Variants in LMO7 observed in about 807,000 individuals in gnomAD.
The protein encoded by LMO7 is LIM domain only protein 7.
In LMO7, 120 loss-of-function variants were observed where a neutral mutation model predicts 206.5. The ratio of observed to expected loss-of-function variants is 0.58; its 90% confidence interval spans 0.50 to 0.68. The LOEUF (loss-of-function observed/expected upper bound fraction) is 0.68. Among genes scored for constraint, LMO7 ranks in the 30% least tolerant of loss-of-function variants. The pLI is 0.00. For synonymous variants in LMO7, 706 were observed against 681.5 expected (o/e 1.04, Z -0.56); for missense variants, 1,959 against 1,957.9 (o/e 1.00, Z -0.01).
At chr13:75,835,163 G>T (rs2059019653) in intron 17 of LMO7, 70 bp from the exon 18 acceptor site, 2 of 1,593,098 alleles carry the variant, frequency 1.3e-6, no homozygotes, top group East Asian at 4.6e-5. Context: ...CTGGGGCAAA[G>T]ACCAACCTTC....
At chr13:75,733,070 A>G (rs2045423724) in intron 3 of LMO7, among the ~76,000 whole-genome samples, 1 of 152,186 alleles carries the variant, frequency 6.6e-6, no homozygotes, top group African/African-American at 2.4e-5. Flanking sequence ...CTCGGGGGTC[A>G]GGGGTCAGGG....
intron 1 of LMO7, among the ~76,000 whole-genome samples, chr13:75,666,912 G>T (rs2039122784): frequency 6.6e-6 from 1 of 152,180 alleles, no homozygotes; most frequent in Admixed American, 6.5e-5. Flanking sequence ...GTTGCTACTT[G>T]TTGGGAGAGA....
intron 6 of LMO7, among the ~76,000 whole-genome samples, chr13:75,799,676 A>C (rs2054486713): frequency 6.6e-6 from 1 of 152,188 alleles, no homozygotes; most frequent in African/African-American, 2.4e-5. Flanking sequence ...AGGTTCTTTA[A>C]ATTGTCTCTG....
intron 27 of LMO7, among the ~76,000 whole-genome samples, chr13:75,852,568 A>C (rs1250388362): frequency 6.6e-6 from 1 of 152,238 alleles, no homozygotes; most frequent in South Asian, 2.1e-4. Flanking sequence ...ATGAAGATCA[A>C]CTTTACTTGT....
chr13:75,710,097 T>C (rs1210611825), intron 1 of LMO7, among the ~76,000 whole-genome samples: 1 of 152,198 alleles, frequency 6.6e-6, no homozygotes, highest in Non-Finnish European at 1.5e-5. Context: ...TTGTCAAAGA[T>C]CAGATAGTTG....
chr13:75,766,173 G>A (rs941095818), intron 4 of LMO7, among the ~76,000 whole-genome samples: 7 of 151,130 alleles, frequency 4.6e-5, no homozygotes, highest in Non-Finnish European at 7.4e-5. Context: ...CTGTAGGGCC[G>A]CCTATGTTGA....
chr13:75,761,728 C>A (rs1366734513), intron 4 of LMO7, among the ~76,000 whole-genome samples: 2 of 151,998 alleles, frequency 1.3e-5, no homozygotes, highest in African/African-American at 4.8e-5. Context: ...TCCTATAAAT[C>A]TAATTTGCTT....
At chr13:75,711,445 G>T (rs1367022441) in intron 1 of LMO7, among the ~76,000 whole-genome samples, 1 of 152,048 alleles carries the variant, frequency 6.6e-6, no homozygotes, top group African/African-American at 2.4e-5. Flanking sequence ...TTTTTTGGTT[G>T]GTAAGCTATT....
intron 1 of LMO7, among the ~76,000 whole-genome samples, chr13:75,652,393 G>A (rs1444596898): frequency 6.6e-6 from 1 of 152,120 alleles, no homozygotes. Context: ...GTGTCCCTTT[G>A]CAGGTCTTGA....
intron 4 of LMO7, among the ~76,000 whole-genome samples, chr13:75,768,506 T>C (rs1288453747): frequency 6.6e-6 from 1 of 152,130 alleles, no homozygotes; most frequent in East Asian, 1.9e-4. Flanking sequence ...CTTCTTTCTG[T>C]ATTTTCTAAA....
intron 2 of LMO7, among the ~76,000 whole-genome samples, chr13:75,625,427 ATGTGTGTGTGTGTGTGTG>A (rs59334649): frequency 1.9e-5 from 2 of 103,556 alleles, no homozygotes; most frequent in Non-Finnish European, 4.1e-5. Context: ...GTGTGTGTGC[ATGTGTGTGTGTGTGTGTG>A]TGTGTGTGTG....
At chr13:75,792,200 T>C (rs2053403158) in intron 4 of LMO7, among the ~76,000 whole-genome samples, 2 of 152,160 alleles carry the variant, frequency 1.3e-5, no homozygotes, top group Non-Finnish European at 2.9e-5. Flanking sequence ...GCTTCTGGAC[T>C]CAAGCGATCC....
chr13:75,692,395 C>CT (rs35029342), intron 1 of LMO7, among the ~76,000 whole-genome samples: 15,002 of 144,616 alleles, frequency 0.1, 803 homozygotes, highest in Middle Eastern at 0.12. Flanking sequence ...GTTTCTTTTC[C>CT]TTTTTTTTTT....
At chr13:75,758,280 T>A (rs146198687) in intron 3 of LMO7, among the ~76,000 whole-genome samples, 46 of 152,292 alleles carry the variant, frequency 3.0e-4, no homozygotes, top group African/African-American at 1.0e-3. Flanking sequence ...TGTGGCTTCT[T>A]GAAGTTTTAA....
At chr13:75,765,353 G>T (rs1367463278) in intron 4 of LMO7, among the ~76,000 whole-genome samples, 4 of 143,450 alleles carry the variant, frequency 2.8e-5, no homozygotes, top group Admixed American at 1.4e-4. Flanking sequence ...TTTCAAATGA[G>T]TTTCTCAACA....
chr13:75,855,700 CAGGG>C (rs2060876205), intron 29 of LMO7, among the ~76,000 whole-genome samples: 2 of 152,178 alleles, frequency 1.3e-5, no homozygotes, highest in South Asian at 4.1e-4. Flanking sequence ...TTGTTAAGGG[CAGGG>C]ACACATGCAG....
chr13:75,699,047 G>A (rs772116748), intron 1 of LMO7, among the ~76,000 whole-genome samples: 10 of 152,150 alleles, frequency 6.6e-5, no homozygotes, highest in East Asian at 1.9e-4. Flanking sequence ...GACATTTCAC[G>A]TAAATAGAAT....
intron 4 of LMO7, among the ~76,000 whole-genome samples, chr13:75,779,658 C>T (rs1299967823): frequency 1.3e-5 from 2 of 152,112 alleles, no homozygotes; most frequent in African/African-American, 4.8e-5. Context: ...CGTGCATGTG[C>T]ATGCATTTGT....
chr13:75,838,451 T>G, intron 20 of LMO7: 4 of 560,670 alleles, frequency 7.1e-6, no homozygotes, highest in Non-Finnish European at 1.0e-5. Flanking sequence ...TTTTTAACTT[T>G]GTAAAAAAAA....
Sources: gnomAD v4.1 joint callset for allele counts (sites outside exome capture counted in the v4.1 genomes callset) on GRCh38, gnomAD v4.1.1 for gene constraint, MANE v1.5 for transcripts, NCBI Gene and HGNC (gene_info 2026-07-23, HGNC 2026-07-21) for gene names.